The following ADAMTSL1 variants were observed in gnomAD, a reference collection of about 807,000 sequenced individuals.
ADAMTSL1 encodes the protein ADAMTS like 1.
ADAMTSL1 carries 126 observed loss-of-function variants against 201.8 expected under a neutral mutation model. That is an observed-to-expected ratio of 0.62 (90% confidence interval 0.54 to 0.72). The LOEUF is 0.72. Among genes scored for constraint, ADAMTSL1 ranks in the 30% least tolerant of loss-of-function variants. ADAMTSL1 has a pLI of 0.00. For synonymous variants in ADAMTSL1, 1,121 were observed against 903.4 expected, an observed-to-expected ratio of 1.24 and a Z score of -4.32; for missense variants, 2,679 against 2,277.8, an observed-to-expected ratio of 1.18 and a Z score of -3.59.
intron 2 of ADAMTSL1, among the ~76,000 whole-genome samples, chr9:18,455,674 T>A (rs1036349573): frequency 9.2e-5 from 14 of 152,258 alleles, no homozygotes; most frequent in Middle Eastern, 3.4e-3. Flanking sequence ...CAGATGAGAA[T>A]ATAATCCGTT....
chr9:18,138,496 A>T (rs1826255210), intron 1 of ADAMTSL1, among the ~76,000 whole-genome samples: 1 of 152,108 alleles, frequency 6.6e-6, no homozygotes, highest in African/African-American at 2.4e-5. Flanking sequence ...TTGCATTTGA[A>T]TTTATACTCC....
intron 2 of ADAMTSL1, among the ~76,000 whole-genome samples, chr9:18,204,941 G>A (rs1829592308): frequency 6.6e-6 from 1 of 152,140 alleles, no homozygotes. Context: ...ATTTGATTGA[G>A]TTGATTTTAG....
At chr9:18,368,624 A>G (rs549226066) in intron 2 of ADAMTSL1, among the ~76,000 whole-genome samples, 1 of 152,304 alleles carries the variant, frequency 6.6e-6, no homozygotes, top group South Asian at 2.1e-4. Context: ...GTTTGCCTGC[A>G]TTCTTTATGC....
intron 1 of ADAMTSL1, among the ~76,000 whole-genome samples, chr9:18,485,666 C>G (rs1345979147): frequency 6.6e-6 from 1 of 152,122 alleles, no homozygotes; most frequent in Non-Finnish European, 1.5e-5. Context: ...GGGGCATTGC[C>G]AGCAGAGGGA....
At chr9:18,235,185 C>T (rs182911226) in intron 2 of ADAMTSL1, among the ~76,000 whole-genome samples, 1 of 152,252 alleles carries the variant, frequency 6.6e-6, no homozygotes, top group African/African-American at 2.4e-5. Flanking sequence ...GACAGATTCT[C>T]CGATTTTCAT....
At chr9:18,897,947 G>A (rs996259892) in intron 26 of ADAMTSL1, among the ~76,000 whole-genome samples, 8 of 151,780 alleles carry the variant, frequency 5.3e-5, no homozygotes, top group Admixed American at 1.3e-4. Flanking sequence ...GGAGGCCGAC[G>A]CAGGTGGATC....
At chr9:18,452,280 C>G (rs1160708202) in intron 2 of ADAMTSL1, among the ~76,000 whole-genome samples, 1 of 152,124 alleles carries the variant, frequency 6.6e-6, no homozygotes, top group African/African-American at 2.4e-5. Context: ...ATAATGTAAT[C>G]CATTCACAAG....
intron 1 of ADAMTSL1, among the ~76,000 whole-genome samples, chr9:18,060,215 A>G (rs1311862514): frequency 2.6e-5 from 4 of 152,086 alleles, no homozygotes; most frequent in Admixed American, 6.6e-5. Context: ...CATATACCCT[A>G]CTTTGTACTG....
chr9:18,243,890 ACTTAGTCAAGTGGTCACGAATG>A (rs1054016095), intron 2 of ADAMTSL1, among the ~76,000 whole-genome samples: 2 of 151,064 alleles, frequency 1.3e-5, no homozygotes, highest in Non-Finnish European at 3.0e-5. Context: ...AGTGGCACCA[ACTTAGTCAAGTGGTCACGAATG>A]CTTAGTCAAG....
At position 18,787,406 on chromosome 9, in the gene ADAMTSL1, G is replaced by C. The variant is rs576067164; in HGVS notation, c.3678-7991G>C. 2.6e-5 allele frequency among the ~76,000 whole-genome samples: 4 copies of C among 152,274 alleles called. No homozygotes were observed. The South Asian group carries it at 8.3e-4, about 32-fold the overall frequency. On this transcript the variant is annotated intron_variant, in intron 19 of 28. Coordinates refer to ENST00000380548, the MANE Select transcript of ADAMTSL1 (RefSeq NM_001040272.6). Reference sequence around the variant, plus strand: ...AAACAGACAGTACTAGTGAGGCTTAGAGTCAGGCACTATCTATTCCCTGAA... The same window carrying C: ...AAACAGACAGTACTAGTGAGGCTTACAGTCAGGCACTATCTATTCCCTGAA...
chr9:18,201,385 CT>C (rs1245103704), intron 2 of ADAMTSL1, among the ~76,000 whole-genome samples: 1 of 151,980 alleles, frequency 6.6e-6, no homozygotes, highest in Admixed American at 6.6e-5. Context: ...TGCTAAATTT[CT>C]TTTTTATCAT....
chr9:18,416,232 G>A (rs1290146968), intron 2 of ADAMTSL1, among the ~76,000 whole-genome samples: 3 of 151,884 alleles, frequency 2.0e-5, no homozygotes, highest in East Asian at 1.9e-4. Flanking sequence ...AAGTTATAAC[G>A]TAGGTACCTA....
At chr9:18,604,822 T>G (rs1186112955) in intron 4 of ADAMTSL1, among the ~76,000 whole-genome samples, 3 of 152,178 alleles carry the variant, frequency 2.0e-5, no homozygotes, top group Admixed American at 6.5e-5. Context: ...TTTAATTTTT[T>G]TAGGAACAGC....
chr9:18,652,971 C>T, intron 7 of ADAMTSL1, among the ~76,000 whole-genome samples: 1 of 152,194 alleles, frequency 6.6e-6, no homozygotes, highest in Non-Finnish European at 1.5e-5. Context: ...AAGTTTAAAT[C>T]AACTGTAGGA....
chr9:18,157,932 G>A (rs1333749908), intron 1 of ADAMTSL1, among the ~76,000 whole-genome samples: 2 of 152,086 alleles, frequency 1.3e-5, no homozygotes, highest in African/African-American at 2.4e-5. Context: ...GCCTGATAGA[G>A]CAGTATGTAT....
At position 18,910,539 on chromosome 9, in the gene ADAMTSL1, TGAGGCAGTAA is replaced by T. The variant is rs1424990559; in HGVS notation, c.*1996_*2005del. 6.6e-6 allele frequency: 1 copy of T among 152,248 alleles called. No homozygotes were observed. The highest frequency in any genetic ancestry group is 1.5e-5 in the Non-Finnish European group (1 of 68,042). 9.4% of individuals were successfully genotyped at this position (152,248 alleles called of 1,614,324 possible). ...TGTTGTAAAAACTAACATGGGATGC[TGAGGCAGTAA>T]GAGGGAATTCATTTGTGGCATAATA... On this transcript the variant is annotated 3_prime_UTR_variant, in exon 29 of 29. Coordinates refer to ENST00000380548, the MANE Select transcript of ADAMTSL1 (RefSeq NM_001040272.6).
At chr9:18,261,416 C>A (rs1831918965) in intron 2 of ADAMTSL1, among the ~76,000 whole-genome samples, 1 of 152,136 alleles carries the variant, frequency 6.6e-6, no homozygotes, top group African/African-American at 2.4e-5. Flanking sequence ...CTGCATTAGG[C>A]AAGTAAAGTG....
intron 2 of ADAMTSL1, among the ~76,000 whole-genome samples, chr9:18,343,002 T>G (rs1331269576): frequency 6.6e-6 from 1 of 151,998 alleles, no homozygotes; most frequent in Non-Finnish European, 1.5e-5. Context: ...CCATTTTTCA[T>G]TATCTTTAAA....
At chr9:17,966,142 A>G (rs895184925) in intron 1 of ADAMTSL1, among the ~76,000 whole-genome samples, 1 of 152,140 alleles carries the variant, frequency 6.6e-6, no homozygotes, top group African/African-American at 2.4e-5. Context: ...CCAGATTAAG[A>G]GAGGTCTGGG....
Sources: allele counts gnomAD v4.1 joint callset (sites outside exome capture counted in the v4.1 genomes callset), GRCh38; gene constraint gnomAD v4.1.1; transcripts MANE v1.5; gene names NCBI Gene and HGNC (gene_info 2026-07-23, HGNC 2026-07-21).